Variants in FRMD4A observed in about 807,000 individuals in gnomAD.
FRMD4A encodes FERM domain-containing protein 4A.
Under a neutral mutation model 129.1 loss-of-function variants are expected in FRMD4A, and 29 were observed. The observed-to-expected ratio is 0.22, with a 90% CI of 0.17 to 0.31. FRMD4A has a LOEUF of 0.31. Ranked by LOEUF, FRMD4A falls within the 10% of genes least tolerant of loss-of-function variation. FRMD4A has a pLI of 1.00. For missense variants in FRMD4A, 1,272 were observed against 1,375.8 expected, an observed-to-expected ratio of 0.92 and a Z score of 1.19; for synonymous variants, 634 against 571.6, an observed-to-expected ratio of 1.11 and a Z score of -1.56.
chr10:13,657,335 T>C lies in FRMD4A; in HGVS notation c.2254A>G (p.Ser752Gly), dbSNP rs1226738361. The change falls in exon 22 of 25, where the codon AGC becomes GGC. Residue 752 changes from serine to glycine, a missense_variant. Coordinates refer to ENST00000357447, the MANE Select transcript of FRMD4A (RefSeq NM_018027.5). The stretch of plus-strand genomic sequence containing the variant: ...TAGTAGTGCTCCGAGCTCGAGTGGC[T>C]GGTGCACGACGAGCAGTCGTCCATG... Reference protein sequence around the residue: ...DPMDDCSSCTSHSSSEHYYPA... With the variant: ...DPMDDCSSCTGHSSSEHYYPA... The C allele has an allele frequency of 2.5e-6, 4 of 1,610,420 alleles. No individual in the cohort carries two copies. The highest frequency in any genetic ancestry group is 1.3e-5 in the African/African-American group (1 of 74,906).
At chr10:13,716,373 T>C (rs1310123085) in intron 12 of FRMD4A, among the ~76,000 whole-genome samples, 2 of 152,184 alleles carry the variant, frequency 1.3e-5, no homozygotes, top group African/African-American at 2.4e-5. Flanking sequence ...TGGGAACATA[T>C]CAGGCCCTCC....
At chr10:14,190,028 G>T (rs1842268985) in intron 2 of FRMD4A, among the ~76,000 whole-genome samples, 1 of 152,138 alleles carries the variant, frequency 6.6e-6, no homozygotes, top group South Asian at 2.1e-4. Flanking sequence ...AGTAAATCAG[G>T]TTCTCCCCAC....
chr10:13,833,737 T>C (rs780092858), intron 3 of FRMD4A, among the ~76,000 whole-genome samples: 1 of 152,064 alleles, frequency 6.6e-6, no homozygotes. Flanking sequence ...AAGAGCCCAC[T>C]AATCTATACA....
intron 6 of FRMD4A, among the ~76,000 whole-genome samples, chr10:13,772,448 T>C (rs948747289): frequency 1.3e-5 from 2 of 152,028 alleles, no homozygotes; most frequent in African/African-American, 2.4e-5. Flanking sequence ...ATAGGAGCTG[T>C]CAATGCTGGT....
intron 2 of FRMD4A, among the ~76,000 whole-genome samples, chr10:14,084,190 G>A (rs1809303): frequency 0.36 from 54,434 of 151,944 alleles, 10,036 homozygotes; most frequent in East Asian, 0.58. Flanking sequence ...TCTGTTGCCC[G>A]GGCTGGAGTG....
intron 21 of FRMD4A, 56 bp downstream of exon 21, chr10:13,659,267 A>G: frequency 6.7e-7 from 1 of 1,483,270 alleles, no homozygotes; most frequent in Admixed American, 1.7e-5. Flanking sequence ...GGGGCTGACA[A>G]TGCCCAATTT....
intron 3 of FRMD4A, among the ~76,000 whole-genome samples, chr10:13,833,263 A>G (rs1217183938): frequency 6.6e-6 from 1 of 152,168 alleles, no homozygotes; most frequent in Non-Finnish European, 1.5e-5. Context: ...ATGGTGGAAG[A>G]GCAAGAGAAG....
intron 2 of FRMD4A, among the ~76,000 whole-genome samples, chr10:14,149,563 G>A (rs1840242092): frequency 6.6e-6 from 1 of 152,088 alleles, no homozygotes; most frequent in Non-Finnish European, 1.5e-5. Flanking sequence ...GGAGTACAGT[G>A]GTGCCATCAT....
At chr10:13,691,046 AG>A (rs1360102199) in intron 15 of FRMD4A, among the ~76,000 whole-genome samples, 1 of 152,170 alleles carries the variant, frequency 6.6e-6, no homozygotes, top group African/African-American at 2.4e-5. Flanking sequence ...GGAGTACAGT[AG>A]CATCATCTTA....
intron 2 of FRMD4A, among the ~76,000 whole-genome samples, chr10:13,888,340 T>A (rs146721185): frequency 1.3e-5 from 2 of 152,254 alleles, no homozygotes; most frequent in Non-Finnish European, 2.9e-5. Flanking sequence ...TTCTTCCTTT[T>A]CTTACATCAA....
chr10:14,311,150 A>G (rs1003420784), intron 2 of FRMD4A, among the ~76,000 whole-genome samples: 1 of 152,150 alleles, frequency 6.6e-6, no homozygotes, highest in Non-Finnish European at 1.5e-5. Context: ...CGCCAGCAAC[A>G]GAGCCCTTTG....
chr10:14,143,865 T>A (rs1564336107), intron 2 of FRMD4A, among the ~76,000 whole-genome samples: 1 of 152,142 alleles, frequency 6.6e-6, no homozygotes, highest in Non-Finnish European at 1.5e-5. Flanking sequence ...TGCCTCAGCC[T>A]CCCAAAGTGC....
At chr10:13,703,999 G>A (rs981566522) in intron 13 of FRMD4A, among the ~76,000 whole-genome samples, 1 of 152,082 alleles carries the variant, frequency 6.6e-6, no homozygotes, top group Middle Eastern at 3.4e-3. Context: ...GTGAGACTCT[G>A]TCTCAAAAAA....
At chr10:14,124,130 C>A (rs372920851) in intron 2 of FRMD4A, among the ~76,000 whole-genome samples, 99 of 152,264 alleles carry the variant, frequency 6.5e-4, no homozygotes, top group Middle Eastern at 6.8e-3. Flanking sequence ...AATGCCCTCC[C>A]TGAGAGTCTC....
chr10:14,052,105 T>G (rs1001902469), intron 2 of FRMD4A, among the ~76,000 whole-genome samples: 1 of 152,056 alleles, frequency 6.6e-6, no homozygotes, highest in Non-Finnish European at 1.5e-5. Flanking sequence ...GGCAGTGAAG[T>G]GTCTACAAGC....
intron 2 of FRMD4A, among the ~76,000 whole-genome samples, chr10:14,104,385 T>G (rs1837474883): frequency 6.6e-6 from 1 of 152,252 alleles, no homozygotes; most frequent in South Asian, 2.1e-4. Flanking sequence ...GCTCTAGATC[T>G]CTTACTTTGA....
intron 2 of FRMD4A, among the ~76,000 whole-genome samples, chr10:13,878,472 G>A (rs2094511288): frequency 6.6e-6 from 1 of 152,194 alleles, no homozygotes; most frequent in African/African-American, 2.4e-5. Context: ...TGGAAATAAA[G>A]CCAGGCATGG....
rs73583656 is a variant in FRMD4A at position 13,723,117 on chromosome 10, A to G, written c.759+14727T>C. The stretch of plus-strand genomic sequence containing the variant: ...TTTTATGTTGGTTAGCTAGGTCCCC[A>G]TGCTAGTTAGCTACATCCCTATGCT... On this transcript the variant is annotated intron_variant, in intron 12 of 24. Transcript: ENST00000357447. Among the ~76,000 whole-genome samples, 1,076 of 152,056 alleles carry G rather than the reference A, an allele frequency of 7.1e-3. 21 individuals carry two copies. Among genetic ancestry groups the G allele is most frequent in the African/African-American group, 0.024 (1,006 of 41,430 alleles).
In FRMD4A at chr10:13,956,677, T is replaced by C. The variant is rs142024934; in HGVS notation, c.46-97765A>G. Among the ~76,000 whole-genome samples, 401 of 152,288 alleles carry C rather than the reference T, an allele frequency of 2.6e-3. 2 individuals are homozygous for C. The highest frequency in any genetic ancestry group is 9.1e-3 in the African/African-American group (379 of 41,548). ...TAGCAAAGGGAAAAGAAAATAATTG[T>C]GGATGTATGGCTGTGTATTTTTCTG... is the stretch of plus-strand genomic sequence containing the variant. On this transcript the variant is annotated intron_variant, in intron 2 of 24. Transcript: ENST00000357447.
Sources: allele counts gnomAD v4.1 joint callset (sites outside exome capture counted in the v4.1 genomes callset), GRCh38; gene constraint gnomAD v4.1.1; transcripts MANE v1.5; gene names NCBI Gene and HGNC (gene_info 2026-07-23, HGNC 2026-07-21).